The following RGS10 variants were observed in gnomAD, a reference collection of about 807,000 sequenced individuals.
RGS10 encodes regulator of G protein signaling 10.
Under a neutral mutation model 23.5 loss-of-function variants are expected in RGS10, and 11 were observed. The observed-to-expected ratio is 0.47, with a 90% CI of 0.29 to 0.77. The LOEUF (loss-of-function observed/expected upper bound fraction) is 0.77, where lower values mean the gene tolerates loss of function less well. Ranked by LOEUF, RGS10 falls within the 30% of genes least tolerant of loss-of-function variation. The pLI is 0.08. For missense variants in RGS10, 180 were observed against 226.3 expected (o/e 0.80, Z 1.31); for synonymous variants, 77 against 83.2 (o/e 0.92, Z 0.41).
At chr10:119,542,527 A>G (rs1176228982) in intron 1 of RGS10, 63 bp downstream of exon 1, 2 of 1,327,228 alleles carry the variant, frequency 1.5e-6, no homozygotes, top group East Asian at 6.2e-5. Context: ...GAGGGAGGGC[A>G]GGAGGCCGGG....
intron 1 of RGS10, chr10:119,536,498 C>T (rs373164853): frequency 9.7e-5 from 157 of 1,611,268 alleles, no homozygotes; most frequent in Non-Finnish European, 1.3e-4. Flanking sequence ...AGAAGTTCCA[C>T]GCAGACCAAC....
chr10:119,502,148 C>CT (rs200925669), intron 4 of RGS10, among the ~76,000 whole-genome samples: 6 of 151,246 alleles, frequency 4.0e-5, no homozygotes, highest in Admixed American at 1.3e-4. Context: ...AAAAAACAAA[C>CT]TTTTTTTTAA....
In RGS10 at chr10:119,535,085, G is replaced by A. The variant is rs138016518; in HGVS notation, c.49+7505C>T. 1.4e-4 allele frequency among the ~76,000 whole-genome samples: 21 copies of A among 152,026 alleles called. No individual in the cohort carries two copies. The East Asian group carries it at 3.7e-3, about 27-fold the overall frequency. Reference sequence around the variant, plus strand: ...TCCCAGCTAGAAAATGGGAAATCACGGCCCAAACCCAGGTACTCCTGCTCC... The same window carrying A: ...TCCCAGCTAGAAAATGGGAAATCACAGCCCAAACCCAGGTACTCCTGCTCC... On this transcript the variant is annotated intron_variant, in intron 1 of 4. Coordinates refer to ENST00000369103, the MANE Select transcript of RGS10 (RefSeq NM_001005339.2).
At chr10:119,500,505 C>T (rs756278) in intron 4 of RGS10, among the ~76,000 whole-genome samples, 15,250 of 151,710 alleles carry the variant, frequency 0.1, 991 homozygotes, top group East Asian at 0.19. Context: ...TTATTTTCCA[C>T]GGAAATATAG....
intron 1 of RGS10, among the ~76,000 whole-genome samples, chr10:119,529,070 T>C (rs763775031): frequency 1.4e-4 from 22 of 152,078 alleles, no homozygotes; most frequent in Non-Finnish European, 2.9e-4. Context: ...GAGGGAACAA[T>C]TAAAGCATGC....
intron 3 of RGS10, chr10:119,516,630 C>A (rs1844147701): frequency 1.3e-5 from 2 of 152,222 alleles, no homozygotes. Context: ...CACTCGCTGC[C>A]CGCCCTCAAG....
intron 1 of RGS10, among the ~76,000 whole-genome samples, chr10:119,540,838 T>C (rs1291377635): frequency 6.6e-6 from 1 of 152,256 alleles, no homozygotes; most frequent in Non-Finnish European, 1.5e-5. Flanking sequence ...TACACTTTTA[T>C]TATGTGCCAC....
intron 4 of RGS10, among the ~76,000 whole-genome samples, chr10:119,503,936 T>C (rs761866717): frequency 2.6e-5 from 4 of 152,168 alleles, no homozygotes; most frequent in Admixed American, 6.5e-5. Context: ...CTTCAACATA[T>C]GGATTAGGGA....
rs1376187226 is a variant in RGS10 at position 119,499,820 on chromosome 10, C to T, written c.*293G>A. ...AGGTAAAAGGTAGTGTGATACGTTTCACCTTGTGGCCTTACATGAGGTTTA... is the reference window on the plus strand; with the variant it reads ...AGGTAAAAGGTAGTGTGATACGTTTTACCTTGTGGCCTTACATGAGGTTTA... On this transcript the variant is annotated 3_prime_UTR_variant, in exon 5 of 5. Coordinates refer to ENST00000369103, the MANE Select transcript of RGS10 (RefSeq NM_001005339.2). 3.5e-6 allele frequency: 1 copy of T among 282,090 alleles called. No individual in the cohort carries two copies. Among genetic ancestry groups the T allele is most frequent in the Non-Finnish European group, 6.7e-6 (1 of 150,176 alleles). The allele number at this position is 282,090 out of a possible 1,614,324, so 17.5% of individuals were successfully genotyped here. A position where few individuals can be genotyped will look rare whatever the true frequency, so the allele number is the denominator to read the frequency against.
At chr10:119,501,217 T>G (rs961843395) in intron 4 of RGS10, among the ~76,000 whole-genome samples, 8 of 152,008 alleles carry the variant, frequency 5.3e-5, no homozygotes, top group African/African-American at 1.2e-4. Flanking sequence ...CCCTCATTTC[T>G]CTCTCTCTCA....
intron 1 of RGS10, among the ~76,000 whole-genome samples, chr10:119,528,641 C>T (rs1844303452): frequency 6.6e-6 from 1 of 151,844 alleles, no homozygotes; most frequent in African/African-American, 2.4e-5. Context: ...GGCAGATCAC[C>T]AGAGGTCAGG....
At chr10:119,533,645 C>T (rs1370847462) in intron 1 of RGS10, among the ~76,000 whole-genome samples, 2 of 152,184 alleles carry the variant, frequency 1.3e-5, no homozygotes, top group African/African-American at 4.8e-5. Flanking sequence ...CACAAGAAAG[C>T]AGGACTGACA....
chr10:119,537,474 C>A (rs538743856), intron 1 of RGS10, among the ~76,000 whole-genome samples: 1 of 152,118 alleles, frequency 6.6e-6, no homozygotes, highest in East Asian at 1.9e-4. Context: ...AAGCTAGTTT[C>A]CTCAAGGGCC....
At position 119,502,652 on chromosome 10, in the gene RGS10, G is replaced by A. The variant is rs1025917150; in HGVS notation, c.400-2393C>T. On this transcript the variant is annotated intron_variant, in intron 4 of 4. Transcript: ENST00000369103. ...TGGGAGGAAGCTCAGGGGCTGCACC[G>A]GGCTGGCAGGACTCGACCCCGAGAT... Among the ~76,000 whole-genome samples the A allele has an allele frequency of 3.3e-5, 5 of 152,244 alleles. No homozygotes were observed. The South Asian group carries it at 6.2e-4, about 19-fold the overall frequency.
rs752800940 is a variant in RGS10 at position 119,542,681 on chromosome 10, G to C, written c.-43C>G. On this transcript the variant is annotated 5_prime_UTR_variant, in exon 1 of 5. Coordinates refer to ENST00000369103, the MANE Select transcript of RGS10 (RefSeq NM_001005339.2). ...GAGGAAGAAGGAGCAGCCCGGCGGCGCGGCGGCTGAGCCGGAGGAAGGCGA... is the reference window on the plus strand; with the variant it reads ...GAGGAAGAAGGAGCAGCCCGGCGGCCCGGCGGCTGAGCCGGAGGAAGGCGA... 2 of 1,333,648 alleles carry C rather than the reference G, an allele frequency of 1.5e-6. No homozygotes were observed. The highest frequency in any genetic ancestry group is 1.5e-5 in the African/African-American group (1 of 65,270). The allele number at this position is 1,333,648 out of a possible 1,614,324, so 82.6% of individuals were successfully genotyped here. A position where few individuals can be genotyped will look rare whatever the true frequency, so the allele number is the denominator to read the frequency against.
At position 119,499,942 on chromosome 10, in the gene RGS10, C is replaced by T; in HGVS notation, c.*171G>A. 2 of 578,186 alleles carry T rather than the reference C, an allele frequency of 3.5e-6. No individual in the cohort carries two copies. Among genetic ancestry groups the T allele is most frequent in the Non-Finnish European group, 5.8e-6 (2 of 342,492 alleles). 35.8% of individuals were successfully genotyped at this position (578,186 alleles called of 1,614,324 possible). A position where few individuals can be genotyped will look rare whatever the true frequency, so the allele number is the denominator to read the frequency against. On this transcript the variant is annotated 3_prime_UTR_variant, in exon 5 of 5. Coordinates refer to ENST00000369103, the MANE Select transcript of RGS10 (RefSeq NM_001005339.2). ...TATTATTATTCTTTTTTTATGTTAGCTTAGCCATCATGCAAAATTTACTGG... is the reference window on the plus strand; with the variant it reads ...TATTATTATTCTTTTTTTATGTTAGTTTAGCCATCATGCAAAATTTACTGG...
At position 119,517,833 on chromosome 10, in the gene RGS10, G is replaced by C. The variant is rs1432155107; in HGVS notation, c.256-2181C>G. Among the ~76,000 whole-genome samples the C allele has an allele frequency of 6.6e-6, 1 of 152,232 alleles. No individual in the cohort carries two copies. Among genetic ancestry groups the C allele is most frequent in the Non-Finnish European group, 1.5e-5 (1 of 68,042 alleles). On this transcript the variant is annotated intron_variant, in intron 3 of 4. Coordinates refer to ENST00000369103, the MANE Select transcript of RGS10 (RefSeq NM_001005339.2). The surrounding 1 kb of genome is among the most constrained non-coding windows in gnomAD (Gnocchi z 5.0). ...AGGAAGTAGGTTCCAGTGACTGCAG[G>C]TATATAAGCTTTGAGGGTCTCAGCC...
chr10:119,506,588 A>G (rs909435614), intron 4 of RGS10, among the ~76,000 whole-genome samples: 19 of 152,134 alleles, frequency 1.2e-4, no homozygotes, highest in African/African-American at 4.3e-4. Flanking sequence ...CCCAAATGAC[A>G]TGACTCACTT....
chr10:119,536,307 CG>C (rs1420462768), intron 1 of RGS10, among the ~76,000 whole-genome samples: 2 of 152,186 alleles, frequency 1.3e-5, no homozygotes, highest in Non-Finnish European at 2.9e-5. Context: ...CACGAGGGTT[CG>C]GGACTCACAG....
Sources: allele counts gnomAD v4.1 joint callset (sites outside exome capture counted in the v4.1 genomes callset), GRCh38; gene constraint gnomAD v4.1.1; non-coding constraint Gnocchi (gnomAD v3.1); transcripts MANE v1.5; gene names NCBI Gene and HGNC (gene_info 2026-07-23, HGNC 2026-07-21).